The following NR6A1 variants were observed in gnomAD, a reference collection of about 807,000 sequenced individuals.
NR6A1 encodes retinoic acid receptor-related testis-associated receptor.
A neutral mutation model predicts 59.1 loss-of-function variants in NR6A1; 7 were observed. The observed-to-expected ratio is 0.12, with a 90% confidence interval of 0.07 to 0.22. The LOEUF (loss-of-function observed/expected upper bound fraction) is 0.22, where lower values mean the gene tolerates loss of function less well. Ranked by LOEUF, NR6A1 falls within the 10% of genes least tolerant of loss-of-function variation. The pLI is 1.00. For missense variants in NR6A1, 468 were observed against 611.6 expected (o/e 0.77, Z 2.48); for synonymous variants, 243 against 236.1 (o/e 1.03, Z -0.27).
chr9:124,621,410 G>T (rs1244016987), intron 2 of NR6A1, among the ~76,000 whole-genome samples: 1 of 151,932 alleles, frequency 6.6e-6, no homozygotes, highest in Non-Finnish European at 1.5e-5. Context: ...CAGCACTTTG[G>T]GAGGCCGAGA....
intron 2 of NR6A1, among the ~76,000 whole-genome samples, chr9:124,650,062 T>C (rs771168979): frequency 5.9e-5 from 9 of 152,164 alleles, no homozygotes; most frequent in Non-Finnish European, 1.2e-4. Flanking sequence ...AGAACTACCA[T>C]ATGATCCAGC....
intron 2 of NR6A1, among the ~76,000 whole-genome samples, chr9:124,654,554 T>C (rs1001573862): frequency 7.2e-5 from 11 of 152,112 alleles, no homozygotes; most frequent in Non-Finnish European, 1.5e-4. Flanking sequence ...ACTACCCAGT[T>C]CATTCTTCTG....
chr9:124,702,337 C>T (rs1015133128), intron 2 of NR6A1, among the ~76,000 whole-genome samples: 3 of 152,230 alleles, frequency 2.0e-5, no homozygotes, highest in Middle Eastern at 3.4e-3. Flanking sequence ...TCCACTTTTC[C>T]CAGCATCATT....
intron 2 of NR6A1, among the ~76,000 whole-genome samples, chr9:124,567,947 G>A (rs1428647167): frequency 2.0e-5 from 3 of 149,036 alleles, no homozygotes; most frequent in South Asian, 2.1e-4. Flanking sequence ...AGGCCAGGGC[G>A]GGTGGATCAC....
At position 124,661,141 on chromosome 9, in the gene NR6A1, AT is replaced by A. The variant is rs780280528; in HGVS notation, c.142+72166del. Among the ~76,000 whole-genome samples, 134 of 152,336 alleles carry A rather than the reference AT, an allele frequency of 8.8e-4. 1 individual carries two copies. Among genetic ancestry groups the A allele is most frequent in the Admixed American group, 1.8e-3 (28 of 15,306 alleles). On this transcript the variant is annotated intron_variant, in intron 2 of 9. Transcript: ENST00000487099. The stretch of plus-strand genomic sequence containing the variant: ...TGGGTTGTATTTTCCAAAACAAAGA[AT>A]TAAAATCAAAGCCCCAAGAATTTAT...
intron 2 of NR6A1, among the ~76,000 whole-genome samples, chr9:124,618,592 C>A (rs1835968123): frequency 6.6e-6 from 1 of 152,188 alleles, no homozygotes; most frequent in Admixed American, 6.5e-5. Flanking sequence ...ATGTCTCCAA[C>A]AGTGTTCACT....
chr9:124,745,071 CT>C (rs1480405622), intron 1 of NR6A1, among the ~76,000 whole-genome samples: 6 of 152,250 alleles, frequency 3.9e-5, no homozygotes, highest in African/African-American at 9.6e-5. Context: ...TAGTACAAAA[CT>C]CGAGGCCATC....
chr9:124,528,681 TAGAGTG>T (rs1833011651), intron 7 of NR6A1, among the ~76,000 whole-genome samples: 1 of 149,858 alleles, frequency 6.7e-6, no homozygotes, highest in Non-Finnish European at 1.5e-5. Flanking sequence ...GCCTGGGCAA[TAGAGTG>T]AGACCCTGTC....
At chr9:124,595,786 T>C in intron 2 of NR6A1, 1 of 1,289,702 alleles carries the variant, frequency 7.8e-7, no homozygotes, top group Non-Finnish European at 1.0e-6. Context: ...TGTAGTCTGC[T>C]GAAAAGTTCT....
intron 2 of NR6A1, among the ~76,000 whole-genome samples, chr9:124,620,339 T>G (rs1836031988): frequency 6.6e-6 from 1 of 152,156 alleles, no homozygotes; most frequent in African/African-American, 2.4e-5. Context: ...CTTTTATAAT[T>G]AAAAGATATA....
chr9:124,620,439 G>A (rs1005181280), intron 2 of NR6A1, among the ~76,000 whole-genome samples: 35 of 152,278 alleles, frequency 2.3e-4, no homozygotes, highest in Middle Eastern at 3.4e-3. Flanking sequence ...TCATCAACTG[G>A]TGAATGGATA....
chr9:124,765,319 T>A (rs1394424657), intron 1 of NR6A1, among the ~76,000 whole-genome samples: 1 of 152,188 alleles, frequency 6.6e-6, no homozygotes, highest in African/African-American at 2.4e-5. Flanking sequence ...ATAATTAGAA[T>A]CATTTCTCTT....
intron 2 of NR6A1, among the ~76,000 whole-genome samples, chr9:124,593,932 A>C (rs1252776195): frequency 6.6e-6 from 1 of 152,188 alleles, no homozygotes; most frequent in Non-Finnish European, 1.5e-5. Context: ...GGGCTGAAAG[A>C]CCAGATTGTA....
At chr9:124,655,831 T>C (rs1460802839) in intron 2 of NR6A1, among the ~76,000 whole-genome samples, 1 of 152,170 alleles carries the variant, frequency 6.6e-6, no homozygotes, top group Non-Finnish European at 1.5e-5. Context: ...AGCCCTCACA[T>C]GATTTTAAGA....
At chr9:124,605,257 C>A (rs997607372) in intron 2 of NR6A1, among the ~76,000 whole-genome samples, 1 of 152,114 alleles carries the variant, frequency 6.6e-6, no homozygotes, top group African/African-American at 2.4e-5. Flanking sequence ...CAAGACAAAC[C>A]ACCAACGTCT....
chr9:124,643,700 G>A (rs1414639142), intron 2 of NR6A1, among the ~76,000 whole-genome samples: 1 of 147,906 alleles, frequency 6.8e-6, no homozygotes, highest in East Asian at 2.0e-4. Context: ...ATGAGCCCAG[G>A]AGTCTGAGGC....
At chr9:124,705,706 CT>C (rs1296613307) in intron 2 of NR6A1, among the ~76,000 whole-genome samples, 4 of 151,254 alleles carry the variant, frequency 2.6e-5, no homozygotes, top group South Asian at 2.1e-4. Context: ...CTATTTTTGT[CT>C]TTTTTTTAAC....
intron 2 of NR6A1, among the ~76,000 whole-genome samples, chr9:124,554,977 T>C (rs891713590): frequency 7.2e-5 from 11 of 152,210 alleles, no homozygotes; most frequent in African/African-American, 2.7e-4. Context: ...AATTGAGTTC[T>C]AACCATACCG....
chr9:124,761,476 C>T lies in NR6A1; in HGVS notation c.100+9544G>A, dbSNP rs141187017. Among the ~76,000 whole-genome samples the T allele has an allele frequency of 1.3e-3, 194 of 152,316 alleles. 1 individual carries two copies. Among genetic ancestry groups the T allele is most frequent in the African/African-American group, 4.4e-3 (181 of 41,574 alleles). ...AGTAACTACCCTAAGGAGTAAATTT[C>T]TAACTCTTTAACAACACAGTAATTG... On this transcript the variant is annotated intron_variant, in intron 1 of 9. Transcript: ENST00000487099.
Sources: allele counts gnomAD v4.1 joint callset (sites outside exome capture counted in the v4.1 genomes callset), GRCh38; gene constraint gnomAD v4.1.1; transcripts MANE v1.5; gene names NCBI Gene and HGNC (gene_info 2026-07-23, HGNC 2026-07-21).